CPXM2: variants seen among roughly 807,000 people sequenced by gnomAD.
CPXM2 encodes the protein carboxypeptidase X, M14 family member 2, also known as inactive carboxypeptidase-like protein X2.
In CPXM2, 66 loss-of-function variants were observed where a neutral mutation model predicts 86.1. The observed-to-expected ratio is 0.77, with a 90% CI of 0.63 to 0.94. The LOEUF (loss-of-function observed/expected upper bound fraction) is 0.94, where lower values mean the gene tolerates loss of function less well. CPXM2 is among the 40% of genes least tolerant of loss of function. CPXM2 has a pLI of 0.00. For missense variants in CPXM2, 948 were observed against 1,026.3 expected (o/e 0.92, Z 1.04); for synonymous variants, 388 against 400.2 (o/e 0.97, Z 0.36).
intron 2 of CPXM2, among the ~76,000 whole-genome samples, chr10:123,923,476 G>A (rs1945594123): frequency 6.6e-6 from 1 of 151,084 alleles, no homozygotes; most frequent in Non-Finnish European, 1.5e-5. Flanking sequence ...AGCTACTCGG[G>A]AGGCTGAGGC....
chr10:123,896,209 C>G (rs562637330), upstream of CPXM2, among the ~76,000 whole-genome samples: 24 of 152,306 alleles, frequency 1.6e-4, no homozygotes, highest in South Asian at 3.9e-3. Flanking sequence ...CTAATTATCC[C>G]TGAGACTCTT....
intron 6 of CPXM2, among the ~76,000 whole-genome samples, chr10:123,793,114 A>G (rs573658608): frequency 6.6e-6 from 1 of 152,328 alleles, no homozygotes; most frequent in South Asian, 2.1e-4. Context: ...TCCATAGGAA[A>G]GTAAACCATA....
chr10:123,755,246 C>G (rs888263994), intron 12 of CPXM2, among the ~76,000 whole-genome samples: 9 of 152,180 alleles, frequency 5.9e-5, no homozygotes, highest in African/African-American at 1.9e-4. Flanking sequence ...CCTTGGAGCA[C>G]AGATGAGCTT....
At chr10:123,793,884 C>T (rs1041883701) in intron 6 of CPXM2, among the ~76,000 whole-genome samples, 1 of 152,194 alleles carries the variant, frequency 6.6e-6, no homozygotes, top group African/African-American at 2.4e-5. Flanking sequence ...AGTCTTGCAC[C>T]CATGGTGACC....
At chr10:123,847,913 G>A (rs1848530375) in intron 3 of CPXM2, among the ~76,000 whole-genome samples, 1 of 152,106 alleles carries the variant, frequency 6.6e-6, no homozygotes, top group South Asian at 2.1e-4. Flanking sequence ...ATAATCATGG[G>A]CTGCCTCTAC....
intron 2 of CPXM2, among the ~76,000 whole-genome samples, chr10:123,863,325 G>A (rs535382600): frequency 6.6e-6 from 1 of 152,348 alleles, no homozygotes; most frequent in South Asian, 2.1e-4. Flanking sequence ...ACCACAGTGA[G>A]TGGTGGAGCA....
intron 1 of CPXM2, among the ~76,000 whole-genome samples, chr10:123,887,479 T>C (rs78537556): frequency 0.028 from 4,199 of 152,248 alleles, 116 homozygotes; most frequent in East Asian, 0.12. Flanking sequence ...GAGTAAGGCA[T>C]GTAATCTAGT....
intron 2 of CPXM2, among the ~76,000 whole-genome samples, chr10:123,906,132 A>G (rs929068813): frequency 2.6e-5 from 4 of 152,150 alleles, no homozygotes; most frequent in Non-Finnish European, 4.4e-5. Flanking sequence ...TCCTGCACCC[A>G]TCTCCCACTC....
chr10:123,747,629 G>A (rs547026112), intron 13 of CPXM2, among the ~76,000 whole-genome samples: 1 of 152,256 alleles, frequency 6.6e-6, no homozygotes, highest in South Asian at 2.1e-4. Context: ...ACCCATGCTG[G>A]AGCTGAGGTG....
At chr10:123,839,321 A>G (rs980445004) in intron 4 of CPXM2, among the ~76,000 whole-genome samples, 1 of 151,976 alleles carries the variant, frequency 6.6e-6, no homozygotes, top group Non-Finnish European at 1.5e-5. Context: ...CTCTTCCCAA[A>G]CCCCTCCACA....
chr10:123,887,057 C>A (rs1483323701), intron 1 of CPXM2: 1 of 152,170 alleles, frequency 6.6e-6, no homozygotes, highest in African/African-American at 2.4e-5. Flanking sequence ...GATCTAGAAA[C>A]TGTCAAATTC....
In CPXM2 at chr10:123,754,432, T is replaced by C. The variant is rs1290868624; in HGVS notation, c.2017+231A>G. On this transcript the variant is annotated intron_variant, in intron 13 of 13. Transcript: ENST00000241305. The surrounding 1 kb of genome is among the most constrained non-coding windows in gnomAD (Gnocchi z 4.0). ...ACTTCCACTGTGCCTGGAGGCCAGC[T>C]GGTGGCTGCACAGCCATCCTGTGAA... 6.6e-6 allele frequency among the ~76,000 whole-genome samples: 1 copy of C among 152,222 alleles called. No homozygotes were observed. Among genetic ancestry groups the C allele is most frequent in the Non-Finnish European group, 1.5e-5 (1 of 68,046 alleles).
chr10:123,865,708 G>C lies in CPXM2; in HGVS notation c.404-2985C>G, dbSNP rs1322437847. 1.3e-5 allele frequency among the ~76,000 whole-genome samples: 2 copies of C among 152,178 alleles called. No individual in the cohort carries two copies. Among genetic ancestry groups the C allele is most frequent in the Non-Finnish European group, 2.9e-5 (2 of 68,038 alleles). The stretch of plus-strand genomic sequence containing the variant: ...AAATTCACAACCGACATGGGGCACG[G>C]GACGGGCACCTGCAGCTACTGCCCA... On this transcript the variant is annotated intron_variant, in intron 2 of 13. Coordinates refer to ENST00000241305, the MANE Select transcript of CPXM2 (RefSeq NM_198148.3). The surrounding 1 kb of genome is among the most constrained non-coding windows in gnomAD (Gnocchi z 4.7).
rs76525337 is a variant in CPXM2 at position 123,757,228 on chromosome 10, G to C, written c.1902C>G (p.Ile634Met). The change falls in exon 12 of 14, where the codon ATC (isoleucine) becomes ATG (methionine). Residue 634 changes from isoleucine (I) to methionine (M), a missense_variant. Ile to Met is a conservative substitution (Grantham distance 10, BLOSUM62 1). Transcript: ENST00000241305. ...EEWENNRESL[I>M]VFMEQVHRGI... ...CGCAATATACCTGCTCCATGAACAC[G>C]ATCAGAGATTCCCGGTTATTCTCCC... The C allele has an allele frequency of 5.0e-6, 8 of 1,613,954 alleles. No individual in the cohort carries two copies. Among genetic ancestry groups the C allele is most frequent in the Non-Finnish European group, 6.8e-6 (8 of 1,179,924 alleles).
intron 3 of CPXM2, among the ~76,000 whole-genome samples, chr10:123,849,780 A>T (rs1848564809): frequency 6.6e-6 from 1 of 152,122 alleles, no homozygotes; most frequent in South Asian, 2.1e-4. Context: ...TTCTTTGTAA[A>T]GTTTTCATTA....
In CPXM2 at chr10:123,901,481, CT is replaced by C. The variant is rs564496733; in HGVS notation, n.175-21173del. 4.9e-4 allele frequency among the ~76,000 whole-genome samples: 53 copies of C among 107,390 alleles called. No individual in the cohort carries two copies. In the East Asian group the frequency reaches 5.6e-3, roughly 11 times the overall value. The allele number at this position is 107,390 out of a possible 152,430, so 70.5% of individuals were successfully genotyped here. ...TGTGTGTGTGTGTGTGTGTTTTCCC[CT>C]ATGCAAATGAAGGCAAGTTTTCACA... is the stretch of plus-strand genomic sequence containing the variant. On this transcript the variant is annotated intron_variant and non_coding_transcript_variant, in intron 2 of 19. Coordinates refer to the CPXM2 transcript ENST00000368854.
At chr10:123,833,559 T>C (rs968665535) in intron 4 of CPXM2, among the ~76,000 whole-genome samples, 2 of 152,212 alleles carry the variant, frequency 1.3e-5, no homozygotes, top group African/African-American at 4.8e-5. Context: ...TTATTGTGTC[T>C]CTGCCATGTG....
At chr10:123,780,280 A>T in intron 6 of CPXM2, 25 bp from the exon 7 acceptor site, 1 of 1,388,572 alleles carries the variant, frequency 7.2e-7, no homozygotes, top group Non-Finnish European at 1.0e-6. Flanking sequence ...ATGATTTTGC[A>T]TTTACTCCCA....
chr10:123,882,240 A>T (rs1217899436), intron 1 of CPXM2, among the ~76,000 whole-genome samples: 5 of 152,198 alleles, frequency 3.3e-5, no homozygotes, highest in Admixed American at 2.6e-4. Context: ...AAAAGAAAAT[A>T]AAAAAATTAA....
Sources: allele counts gnomAD v4.1 joint callset (sites outside exome capture counted in the v4.1 genomes callset), GRCh38; gene constraint gnomAD v4.1.1; non-coding constraint Gnocchi (gnomAD v3.1); transcripts MANE v1.5; gene names NCBI Gene and HGNC (gene_info 2026-07-23, HGNC 2026-07-21).